The following OTULINL variants were observed in gnomAD, a reference collection of about 807,000 sequenced individuals.
OTULINL encodes the protein OTU deubiquitinase with linear linkage specificity like.
OTULINL carries 42 observed loss-of-function variants against 43.9 expected under a neutral mutation model. That is an observed-to-expected ratio of 0.96 (90% CI 0.75 to 1.24). The LOEUF (loss-of-function observed/expected upper bound fraction) is 1.24, where lower values mean the gene tolerates loss of function less well. Ranked by LOEUF, OTULINL falls within the 50% of genes most tolerant of loss-of-function variation. OTULINL has a pLI of 0.00. For missense variants in OTULINL, 411 were observed against 426.4 expected (o/e 0.96, Z 0.32); for synonymous variants, 172 against 153.6 (o/e 1.12, Z -0.88).
rs1334360794 is a variant in OTULINL, at chr5:14,614,643, T to G, written c.*4329T>G. 1 of 398,504 alleles carries G rather than the reference T, an allele frequency of 2.5e-6. No homozygotes were observed. The highest frequency in any genetic ancestry group is 2.1e-5 in the African/African-American group (1 of 48,634). The allele number at this position is 398,504 out of a possible 1,614,324, so 24.7% of individuals were successfully genotyped here. A position where few individuals can be genotyped will look rare whatever the true frequency, so the allele number is the denominator to read the frequency against. On this transcript the variant is annotated 3_prime_UTR_variant, in exon 8 of 8. Transcript: ENST00000274217. The stretch of plus-strand genomic sequence containing the variant: ...TTCAGCCACGTATGGTCTGGAGTGC[T>G]CTGTAGAACAGCCCGAAGTGTACAC...
chr5:14,603,943 A>T (rs1759430596), intron 5 of OTULINL, among the ~76,000 whole-genome samples: 1 of 152,180 alleles, frequency 6.6e-6, no homozygotes, highest in South Asian at 2.1e-4. Context: ...TTTTATTTAA[A>T]CTTGTTTCTA....
At chr5:14,599,876 A>T (rs1475027044) in intron 1 of OTULINL, among the ~76,000 whole-genome samples, 1 of 152,228 alleles carries the variant, frequency 6.6e-6, no homozygotes, top group Non-Finnish European at 1.5e-5. Context: ...ATGCAGCATC[A>T]CTAAATAGAT....
chr5:14,610,151 TTA>T lies in OTULINL; in HGVS notation c.911_912del (p.Ile304ThrfsTer6). ...TCATCTCATCCACAGATTGATATGT[TTA>T]TACTTGGATACTCCCTTGAAGTAAA... is the stretch of plus-strand genomic sequence containing the variant. On this transcript the variant is annotated frameshift_variant, in exon 8 of 8. Coordinates refer to ENST00000274217, the MANE Select transcript of OTULINL (RefSeq NM_019018.3). LOFTEE classifies it high-confidence loss of function. 1 of 1,613,834 alleles carries T rather than the reference TTA, an allele frequency of 6.2e-7. No individual in the cohort carries two copies. Among genetic ancestry groups the T allele is most frequent in the Non-Finnish European group, 8.5e-7 (1 of 1,179,784 alleles).
At chr5:14,585,228 C>G (rs181841044) in intron 1 of OTULINL, among the ~76,000 whole-genome samples, 1 of 151,698 alleles carries the variant, frequency 6.6e-6, no homozygotes, top group African/African-American at 2.4e-5. Flanking sequence ...TTGTAACTGT[C>G]GAGAGAAATA....
Position 14,615,666 on chromosome 5 carries a change from GTAGA to G in OTULINL, c.*5355_*5358del, listed in dbSNP as rs376929361. Among the ~76,000 whole-genome samples the G allele has an allele frequency of 2.8e-4, 43 of 152,298 alleles. No individual in the cohort carries two copies. Among genetic ancestry groups the G allele is most frequent in the African/African-American group, 9.6e-4 (40 of 41,552 alleles). ...CTGTTATGAAAAGCTACCTTTAGCC[GTAGA>G]TAAACATTAAAAGGAAGACTCAGCC... is the stretch of plus-strand genomic sequence containing the variant. On this transcript the variant is annotated 3_prime_UTR_variant, in exon 8 of 8. Coordinates refer to ENST00000274217, the MANE Select transcript of OTULINL (RefSeq NM_019018.3).
At chr5:14,606,657 G>GGT (rs372505352) in intron 5 of OTULINL, among the ~76,000 whole-genome samples, 56 of 152,300 alleles carry the variant, frequency 3.7e-4, no homozygotes, top group African/African-American at 1.3e-3. Flanking sequence ...GTGACAGCCA[G>GGT]GTGTGAGCCA....
At position 14,602,288 on chromosome 5, in the gene OTULINL, G is replaced by A. The variant is rs1272785720; in HGVS notation, c.454G>A (p.Gly152Ser). Residue 152 changes from glycine (G) to serine (S), a missense_variant, in exon 5 of 8, where the codon GGC becomes AGC. Physicochemically the swap from Gly to Ser is moderately conservative, Grantham distance 56 (BLOSUM62 0). Transcript: ENST00000274217. ...AGTGTTATTTCAGATATTCAGCCAG[G>A]GCATCTCTTTTCCATCATGGATGAA... ...RSVLFQIFSQ[G>S]ISFPSWMKEK... The A allele has an allele frequency of 6.2e-7, 1 of 1,613,660 alleles. No individual in the cohort carries two copies. Among genetic ancestry groups the A allele is most frequent in the African/African-American group, 1.3e-5 (1 of 74,882 alleles).
chr5:14,603,313 A>G (rs1759420263), intron 5 of OTULINL, among the ~76,000 whole-genome samples: 1 of 152,232 alleles, frequency 6.6e-6, no homozygotes, highest in Non-Finnish European at 1.5e-5. Context: ...TGTATGAACA[A>G]TAGGTTTCAT....
chr5:14,590,356 C>G (rs1759179657), intron 1 of OTULINL, among the ~76,000 whole-genome samples: 1 of 152,144 alleles, frequency 6.6e-6, no homozygotes, highest in Non-Finnish European at 1.5e-5. Context: ...TCCTGGGGGT[C>G]TTGATGGAAT....
intron 1 of OTULINL, among the ~76,000 whole-genome samples, chr5:14,589,576 G>A (rs1480456057): frequency 6.6e-6 from 1 of 152,158 alleles, no homozygotes; most frequent in Non-Finnish European, 1.5e-5. Context: ...GCTAAAACTG[G>A]GAGAGTCCCA....
intron 1 of OTULINL, among the ~76,000 whole-genome samples, chr5:14,583,887 G>A (rs1336629208): frequency 6.6e-6 from 1 of 152,144 alleles, no homozygotes; most frequent in Non-Finnish European, 1.5e-5. Flanking sequence ...AAAACCCACA[G>A]AAGAGGTTTT....
At position 14,609,019 on chromosome 5, in the gene OTULINL, T is replaced by C. The variant is rs1333931826; in HGVS notation, c.897+2T>C. 1 of 1,602,582 alleles carries C rather than the reference T, an allele frequency of 6.2e-7. No individual in the cohort carries two copies. Among genetic ancestry groups the C allele is most frequent in the Non-Finnish European group, 8.5e-7 (1 of 1,172,528 alleles). On this transcript the variant is annotated splice_donor_variant, in intron 7 of 7. Coordinates refer to ENST00000274217, the MANE Select transcript of OTULINL (RefSeq NM_019018.3). LOFTEE classifies it high-confidence loss of function. Reference sequence around the variant, plus strand: ...GGCGACACATGTGGACTAGAGCAGGTAACCGGGGAGGAAGAACTGCTTGTA... The same window carrying C: ...GGCGACACATGTGGACTAGAGCAGGCAACCGGGGAGGAAGAACTGCTTGTA...
intron 7 of OTULINL, among the ~76,000 whole-genome samples, chr5:14,609,755 C>G (rs943709105): frequency 6.6e-6 from 1 of 151,756 alleles, no homozygotes; most frequent in African/African-American, 2.4e-5. Flanking sequence ...CTCAGCCTCC[C>G]GAGTAGCTGG....
At chr5:14,608,126 G>A (rs1001071061) in intron 6 of OTULINL, among the ~76,000 whole-genome samples, 1 of 152,086 alleles carries the variant, frequency 6.6e-6, no homozygotes, top group African/African-American at 2.4e-5. Flanking sequence ...AAGCAGTTTT[G>A]GAAAACTGAC....
At chr5:14,583,937 G>A (rs1274497696) in intron 1 of OTULINL, among the ~76,000 whole-genome samples, 1 of 152,100 alleles carries the variant, frequency 6.6e-6, no homozygotes, top group African/African-American at 2.4e-5. Context: ...TAAAGTGTTA[G>A]GGTATGTTAG....
intron 5 of OTULINL, among the ~76,000 whole-genome samples, chr5:14,604,388 A>C (rs1759438419): frequency 1.3e-5 from 2 of 152,112 alleles, no homozygotes; most frequent in Non-Finnish European, 1.5e-5. Context: ...GGACACGGCC[A>C]AACCATATTA....
At chr5:14,605,931 G>C (rs1476861009) in intron 5 of OTULINL, among the ~76,000 whole-genome samples, 2 of 152,106 alleles carry the variant, frequency 1.3e-5, no homozygotes, top group Non-Finnish European at 2.9e-5. Flanking sequence ...CCTCTTCTGA[G>C]CACTCCAAAT....
chr5:14,585,604 C>T (rs1160021657), intron 1 of OTULINL, among the ~76,000 whole-genome samples: 1 of 152,152 alleles, frequency 6.6e-6, no homozygotes, highest in Non-Finnish European at 1.5e-5. Flanking sequence ...GCCTGTAGCA[C>T]CCAGTGCTTG....
Position 14,601,123 on chromosome 5 carries a change from T to C in OTULINL, c.223T>C (p.Trp75Arg). Reference sequence around the variant, plus strand: ...TTTATATTCAGGGCACAAGCTGAAATGGTAGGTCACTGTATCATCCTTAAA... The same window carrying C: ...TTTATATTCAGGGCACAAGCTGAAACGGTAGGTCACTGTATCATCCTTAAA... ...LHLYSGHKLK[W>R]WIGYLQRKFK... The change falls in exon 2 of 8, where the codon TGG becomes CGG. Residue 75 changes from tryptophan (W) to arginine (R), a missense_variant and splice_region_variant. Coordinates refer to ENST00000274217, the MANE Select transcript of OTULINL (RefSeq NM_019018.3). 2 of 1,611,498 alleles carry C rather than the reference T, an allele frequency of 1.2e-6. No individual in the cohort carries two copies. The highest frequency in any genetic ancestry group is 8.5e-7 in the Non-Finnish European group (1 of 1,178,838).
Sources: gnomAD v4.1 joint callset for allele counts (sites outside exome capture counted in the v4.1 genomes callset) on GRCh38, gnomAD v4.1.1 for gene constraint, MANE v1.5 for transcripts, NCBI Gene and HGNC (gene_info 2026-07-23, HGNC 2026-07-21) for gene names.